Variants in SAMD5 observed in about 807,000 individuals in gnomAD.
SAMD5 encodes the protein sterile alpha motif domain containing 5.
A neutral mutation model predicts 11.3 loss-of-function variants in SAMD5; 13 were observed. That is an observed-to-expected ratio of 1.15 (90% CI 0.75 to 1.83). SAMD5 has a LOEUF of 1.83. Ranked by LOEUF, SAMD5 falls within the 40% of genes most tolerant of loss-of-function variation. The pLI, the probability that SAMD5 is intolerant of heterozygous loss-of-function variation, is 0.00. For synonymous variants in SAMD5, 129 were observed against 111.3 expected, an observed-to-expected ratio of 1.16 and a Z score of -1.00; for missense variants, 255 against 239.1, an observed-to-expected ratio of 1.07 and a Z score of -0.44.
At chr6:147,718,748 T>A (rs1229271476) in intron 1 of SAMD5, among the ~76,000 whole-genome samples, 1 of 152,090 alleles carries the variant, frequency 6.6e-6, no homozygotes, top group Non-Finnish European at 1.5e-5. Flanking sequence ...TAAAGTACAG[T>A]GGCACAATCT....
chr6:147,586,747 G>A (rs1047681308), intron 1 of SAMD5, among the ~76,000 whole-genome samples: 4 of 151,478 alleles, frequency 2.6e-5, no homozygotes, highest in Non-Finnish European at 4.4e-5. Context: ...AAGCGCCTAC[G>A]GTAGCCAAAA....
chr6:147,751,055 A>G, the SAMD5 span, among the ~76,000 whole-genome samples: 1 of 152,190 alleles, frequency 6.6e-6, no homozygotes, highest in Non-Finnish European at 1.5e-5. Context: ...GCAGATGACC[A>G]CATCATGGCT....
At chr6:147,709,881 C>T (rs569298117) in intron 1 of SAMD5, among the ~76,000 whole-genome samples, 9 of 152,230 alleles carry the variant, frequency 5.9e-5, no homozygotes, top group African/African-American at 2.2e-4. Context: ...ACTGCTATAC[C>T]TCCTCCACCA....
chr6:147,879,816 G>A, the SAMD5 span, among the ~76,000 whole-genome samples: 1 of 152,186 alleles, frequency 6.6e-6, no homozygotes, highest in Non-Finnish European at 1.5e-5. Flanking sequence ...CTGATGGAAC[G>A]TTGTATGTAA....
At chr6:147,625,117 T>C (rs1583111948) in intron 1 of SAMD5, among the ~76,000 whole-genome samples, 1 of 152,128 alleles carries the variant, frequency 6.6e-6, no homozygotes, top group African/African-American at 2.4e-5. Context: ...GGTTTGTATG[T>C]GGGGTTCCTG....
chr6:147,910,221 A>G, the SAMD5 span, among the ~76,000 whole-genome samples: 39 of 152,108 alleles, frequency 2.6e-4, no homozygotes, highest in East Asian at 2.3e-3. Context: ...ACCAAAGCGA[A>G]TGGTACCCTG....
At chr6:147,531,730 GT>G (rs1788432926) in intron 1 of SAMD5, among the ~76,000 whole-genome samples, 1 of 152,170 alleles carries the variant, frequency 6.6e-6, no homozygotes, top group African/African-American at 2.4e-5. Flanking sequence ...GATATATGAA[GT>G]TGATAATGAG....
At position 147,620,151 on chromosome 6, in the gene SAMD5, C is replaced by G. The variant is rs564364727; in HGVS notation, c.162+110764C>G. 3.9e-5 allele frequency among the ~76,000 whole-genome samples: 6 copies of G among 152,300 alleles called. No individual in the cohort carries two copies. In the East Asian group the frequency reaches 9.7e-4, roughly 25 times the overall value. Reference sequence around the variant, plus strand: ...TTCCCCTGCTTAGGGAAGCCCCGTGCGTTCCATCCTTCCTTTCCTCGAGCT... The same window carrying G: ...TTCCCCTGCTTAGGGAAGCCCCGTGGGTTCCATCCTTCCTTTCCTCGAGCT... On this transcript the variant is annotated intron_variant, in intron 1 of 1. Coordinates refer to the SAMD5 transcript ENST00000566741.
chr6:147,828,609 C>T, the SAMD5 span, among the ~76,000 whole-genome samples: 178 of 152,304 alleles, frequency 1.2e-3, no homozygotes, highest in East Asian at 0.031. Flanking sequence ...CCTCAAACAT[C>T]GAACTCCAGG....
At chr6:147,647,452 C>A (rs1330103030) in intron 1 of SAMD5, among the ~76,000 whole-genome samples, 1 of 152,028 alleles carries the variant, frequency 6.6e-6, no homozygotes, top group African/African-American at 2.4e-5. Context: ...ATGAAGCAAT[C>A]AGGTTTGGAT....
Position 147,566,420 on chromosome 6 carries a change from C to T in SAMD5, c.*1964C>T. Reference sequence around the variant, plus strand: ...ATGGCTTCCTGTTTGACCTCATTTCCAGGTGTCGCATCCGTGGCTGATTTA... The same window carrying T: ...ATGGCTTCCTGTTTGACCTCATTTCTAGGTGTCGCATCCGTGGCTGATTTA... On this transcript the variant is annotated 3_prime_UTR_variant, in exon 2 of 2. Transcript: ENST00000367474. 1.0e-6 allele frequency: 1 copy of T among 985,036 alleles called. No individual in the cohort carries two copies. The highest frequency in any genetic ancestry group is 1.2e-6 in the Non-Finnish European group (1 of 829,402). 61.0% of individuals were successfully genotyped at this position (985,036 alleles called of 1,614,324 possible).
rs547397279 is a variant in SAMD5, at chr6:147,567,825, T to C, written c.*3369T>C. Reference sequence around the variant, plus strand: ...TAAAAAAGGCTACAGTACCTGCTCATAGGAGTTCAGTAAATGTTTATTGAT... The same window carrying C: ...TAAAAAAGGCTACAGTACCTGCTCACAGGAGTTCAGTAAATGTTTATTGAT... On this transcript the variant is annotated 3_prime_UTR_variant, in exon 2 of 2. Coordinates refer to ENST00000367474, the MANE Select transcript of SAMD5 (RefSeq NM_001030060.3). The C allele has an allele frequency of 4.4e-5, 43 of 985,256 alleles. No homozygotes were observed. Among genetic ancestry groups the C allele is most frequent in the Middle Eastern group, 1.0e-3 (2 of 1,914 alleles). 61.0% of individuals were successfully genotyped at this position (985,256 alleles called of 1,614,324 possible).
At chr6:147,827,086 A>G in the SAMD5 span, among the ~76,000 whole-genome samples, 1 of 152,218 alleles carries the variant, frequency 6.6e-6, no homozygotes, top group Non-Finnish European at 1.5e-5. Context: ...ATATAGGAAA[A>G]TGAGTTAGGT....
chr6:147,782,421 C>T, the SAMD5 span, among the ~76,000 whole-genome samples: 1 of 152,146 alleles, frequency 6.6e-6, no homozygotes, highest in South Asian at 2.1e-4. Context: ...ACTATATGAA[C>T]ATGCCATCCA....
At chr6:147,653,456 G>A (rs142598427) in intron 1 of SAMD5, among the ~76,000 whole-genome samples, 20 of 152,260 alleles carry the variant, frequency 1.3e-4, no homozygotes, top group African/African-American at 4.3e-4. Flanking sequence ...CATGTTATCC[G>A]TGGCTCCGTC....
the SAMD5 span, among the ~76,000 whole-genome samples, chr6:147,867,597 G>A: frequency 2.0e-5 from 3 of 152,108 alleles, no homozygotes; most frequent in Non-Finnish European, 4.4e-5. Flanking sequence ...TATATCATGC[G>A]ATGCAATCAG....
At chr6:147,934,175 C>T in the SAMD5 span, among the ~76,000 whole-genome samples, 64 of 152,254 alleles carry the variant, frequency 4.2e-4, 3 homozygotes, top group South Asian at 0.012. Flanking sequence ...CATTGCAAAC[C>T]TTTGTTGCCT....
the SAMD5 span, among the ~76,000 whole-genome samples, chr6:147,880,276 C>G: frequency 3.9e-5 from 6 of 152,232 alleles, no homozygotes; most frequent in Admixed American, 6.5e-5. Context: ...TCCTCTCTCT[C>G]TCTCTCTCTG....
At chr6:147,658,756 G>T (rs1310501960) in intron 1 of SAMD5, among the ~76,000 whole-genome samples, 1 of 152,092 alleles carries the variant, frequency 6.6e-6, no homozygotes, top group African/African-American at 2.4e-5. Flanking sequence ...CATGAATGGG[G>T]ATTATGTTTA....
Sources: allele counts gnomAD v4.1 joint callset (sites outside exome capture counted in the v4.1 genomes callset), GRCh38; gene constraint gnomAD v4.1.1; transcripts MANE v1.5; gene names NCBI Gene and HGNC (gene_info 2026-07-23, HGNC 2026-07-21).